Variants in GAB2 observed in about 807,000 individuals in gnomAD.
The protein encoded by GAB2 is GRB2-associated-binding protein 2.
In GAB2, 26 loss-of-function variants were observed where a neutral mutation model predicts 65.5. The observed-to-expected ratio is 0.40, with a 90% CI of 0.29 to 0.55. GAB2 has a LOEUF of 0.55. GAB2 is among the 20% of genes least tolerant of loss of function. The pLI is 0.53. For synonymous variants in GAB2, 321 were observed against 329.6 expected (o/e 0.97, Z 0.28); for missense variants, 884 against 875.8 (o/e 1.01, Z -0.12).
At chr11:78,222,522 A>G (rs1864480565) in intron 6 of GAB2, among the ~76,000 whole-genome samples, 1 of 148,334 alleles carries the variant, frequency 6.7e-6, no homozygotes, top group Admixed American at 6.8e-5. Context: ...CTATATATAA[A>G]ATATATTTAT....
Position 78,417,730 on chromosome 11 carries a change from C to T in GAB2, c.-10G>A, listed in dbSNP as rs1857219022. 2.2e-5 allele frequency: 28 copies of T among 1,281,718 alleles called. No homozygotes were observed. The highest frequency in any genetic ancestry group is 2.7e-5 in the Non-Finnish European group (27 of 989,654). 79.4% of individuals were successfully genotyped at this position (1,281,718 alleles called of 1,614,324 possible). ...CGCCGCCGCCGCTCATGCTGCCGGC[C>T]TGGAGCCCCCCGCCGGGTCGCGCGG... On this transcript the variant is annotated 5_prime_UTR_variant, in exon 1 of 10. Transcript: ENST00000361507.
At chr11:78,312,852 C>G (rs1235127550) in intron 1 of GAB2, among the ~76,000 whole-genome samples, 1 of 152,116 alleles carries the variant, frequency 6.6e-6, no homozygotes, top group Non-Finnish European at 1.5e-5. Context: ...GCTCTTTTTG[C>G]TCACCAAGAC....
intron 3 of GAB2, among the ~76,000 whole-genome samples, chr11:78,228,620 TA>T (rs1864754905): frequency 6.6e-6 from 1 of 152,172 alleles, no homozygotes. Flanking sequence ...AACAGGTGTG[TA>T]AAGCCAGGCT....
At chr11:78,245,723 C>T (rs777714058) in intron 3 of GAB2, among the ~76,000 whole-genome samples, 8 of 152,208 alleles carry the variant, frequency 5.3e-5, no homozygotes, top group Admixed American at 3.9e-4. Context: ...CAGGGATTTA[C>T]TATTTCTGTT....
intron 3 of GAB2, among the ~76,000 whole-genome samples, chr11:78,249,708 A>C (rs552380869): frequency 6.6e-6 from 1 of 152,276 alleles, no homozygotes; most frequent in East Asian, 1.9e-4. Context: ...TTTCATTTTA[A>C]TTAATTTAAA....
In GAB2 at chr11:78,280,832, A is replaced by G; in HGVS notation, c.145T>C (p.Tyr49His). ...GGCTTCTTGGAGTGATCGTTCTTGT[A>G]GTATTCCAGAACATCTGGGTCACCG... is the stretch of plus-strand genomic sequence containing the variant. ...MSGDPDVLEY[Y>H]KNDHSKKPLR... Residue 49 changes from tyrosine (Y) to histidine (H), a missense_variant, in exon 2 of 10, where the codon TAC (tyrosine) becomes CAC (histidine). Coordinates refer to ENST00000361507, the MANE Select transcript of GAB2 (RefSeq NM_080491.3). The G allele has an allele frequency of 1.2e-6, 2 of 1,614,100 alleles. No homozygotes were observed. The highest frequency in any genetic ancestry group is 2.2e-5 in the East Asian group (1 of 44,890).
intron 1 of GAB2, among the ~76,000 whole-genome samples, chr11:78,344,985 A>G (rs2134696073): frequency 6.6e-6 from 1 of 152,350 alleles, no homozygotes; most frequent in South Asian, 2.1e-4. Flanking sequence ...AGTGAAATAA[A>G]CTGTACCCAG....
chr11:78,329,013 A>G (rs1398465998), intron 1 of GAB2, among the ~76,000 whole-genome samples: 1 of 152,226 alleles, frequency 6.6e-6, no homozygotes, highest in Non-Finnish European at 1.5e-5. Flanking sequence ...TAATGTCTGC[A>G]ATTTACTTTA....
intron 3 of GAB2, among the ~76,000 whole-genome samples, chr11:78,241,201 G>C (rs1865124741): frequency 6.6e-6 from 1 of 152,194 alleles, no homozygotes; most frequent in South Asian, 2.1e-4. Context: ...TGTTGATGTT[G>C]AACATAGGCA....
At position 78,273,589 on chromosome 11, in the gene GAB2, C is replaced by T. The variant is rs116194046; in HGVS notation, c.376+7012G>A. Among the ~76,000 whole-genome samples the T allele has an allele frequency of 7.6e-3, 1,154 of 152,318 alleles. 14 individuals are homozygous for T. Among genetic ancestry groups the T allele is most frequent in the African/African-American group, 0.026 (1,068 of 41,556 alleles). On this transcript the variant is annotated intron_variant, in intron 2 of 9. Transcript: ENST00000361507. The stretch of plus-strand genomic sequence containing the variant: ...GCTTTTGATTTTACAGGCTCATAGG[C>T]GGAAGGCCTTGCCTTGGATGAGACT...
chr11:78,250,686 G>C (rs1791665553), intron 2 of GAB2, among the ~76,000 whole-genome samples: 1 of 152,100 alleles, frequency 6.6e-6, no homozygotes, highest in Admixed American at 6.5e-5. Flanking sequence ...CTGTGGTCTA[G>C]GAGTGTGACC....
rs115099307 is a variant in GAB2, at chr11:78,284,289, C to T, written c.76-3388G>A. On this transcript the variant is annotated intron_variant, in intron 1 of 9. Transcript: ENST00000361507. ...GTCTAGTCCACCATTTTGTAGTCTTCCTGCTTCCACCCTTTCATCCTGCAG... is the reference window on the plus strand; with the variant it reads ...GTCTAGTCCACCATTTTGTAGTCTTTCTGCTTCCACCCTTTCATCCTGCAG... Among the ~76,000 whole-genome samples, 1,226 of 152,362 alleles carry T rather than the reference C, an allele frequency of 8.0e-3. 19 individuals are homozygous for T. The highest frequency in any genetic ancestry group is 0.027 in the African/African-American group (1,138 of 41,584).
intron 2 of GAB2, among the ~76,000 whole-genome samples, chr11:78,268,399 G>A (rs905168383): frequency 3.9e-5 from 6 of 152,122 alleles, no homozygotes; most frequent in Admixed American, 1.3e-4. Context: ...ATGTTTAATC[G>A]TAATCAAGAT....
At chr11:78,406,726 T>C (rs1857050142) in intron 1 of GAB2, among the ~76,000 whole-genome samples, 1 of 152,020 alleles carries the variant, frequency 6.6e-6, no homozygotes. Context: ...AGCTCTCAAA[T>C]GGAATGAAAA....
At chr11:78,310,480 C>T (rs577797129) in intron 1 of GAB2, among the ~76,000 whole-genome samples, 1 of 145,380 alleles carries the variant, frequency 6.9e-6, no homozygotes, top group South Asian at 2.2e-4. Flanking sequence ...GCCACTTGCA[C>T]TCCAGCCTGG....
intron 2 of GAB2, among the ~76,000 whole-genome samples, chr11:78,266,307 C>T (rs1042952111): frequency 1.3e-5 from 2 of 150,840 alleles, no homozygotes; most frequent in Non-Finnish European, 3.0e-5. Flanking sequence ...GAATAAGACG[C>T]GTCCTTACCC....
chr11:78,328,032 G>A (rs1855854087), intron 1 of GAB2, among the ~76,000 whole-genome samples: 3 of 152,172 alleles, frequency 2.0e-5, no homozygotes, highest in African/African-American at 7.2e-5. Flanking sequence ...TGGAAAAGTG[G>A]GAAAGTCGTG....
chr11:78,370,701 ATG>A (rs1856558905), intron 1 of GAB2, among the ~76,000 whole-genome samples: 2 of 135,256 alleles, frequency 1.5e-5, no homozygotes, highest in Admixed American at 1.5e-4. Flanking sequence ...CTAATATTGT[ATG>A]TGTGTGTGCG....
At chr11:78,371,808 C>G (rs138155998) in intron 1 of GAB2, among the ~76,000 whole-genome samples, 15 of 152,084 alleles carry the variant, frequency 9.9e-5, no homozygotes, top group African/African-American at 3.4e-4. Flanking sequence ...GACAGCTGTA[C>G]CGGCCAGAAA....
Sources: allele counts gnomAD v4.1 joint callset (sites outside exome capture counted in the v4.1 genomes callset), GRCh38; gene constraint gnomAD v4.1.1; transcripts MANE v1.5; gene names NCBI Gene and HGNC (gene_info 2026-07-23, HGNC 2026-07-21).